Variants in SLC26A8 observed in about 807,000 individuals in gnomAD.
The protein encoded by SLC26A8 is testis anion transporter 1.
In SLC26A8, 70 loss-of-function variants were observed where a neutral mutation model predicts 105.0. The observed-to-expected ratio is 0.67, with a 90% CI of 0.55 to 0.81. The LOEUF (loss-of-function observed/expected upper bound fraction) is 0.81. Ranked by LOEUF, SLC26A8 falls within the 40% of genes least tolerant of loss-of-function variation. SLC26A8 has a pLI of 0.00. For synonymous variants in SLC26A8, 415 were observed against 438.3 expected (o/e 0.95, Z 0.66); for missense variants, 998 against 1,181.8 (o/e 0.84, Z 2.28).
rs1191488527 is a variant in SLC26A8, at chr6:35,944,162, G to A, written c.2651C>T (p.Pro884Leu). Residue 884 changes from proline to leucine, a missense_variant, in exon 20 of 20, where the codon CCT becomes CTT. Transcript: ENST00000490799. ...LDLDLDRELE[P>L]EMEPKAETET... is the part of the protein sequence containing the mutation. ...GGTCTCAGCCTTGGGCTCCATTTCA[G>A]GCTCCAGCTCCCGATCCAGGTCTAG... is the stretch of plus-strand genomic sequence containing the variant. The A allele has an allele frequency of 6.2e-7, 1 of 1,614,086 alleles. No homozygotes were observed. Among genetic ancestry groups the A allele is most frequent in the Admixed American group, 1.7e-5 (1 of 59,980 alleles).
At chr6:35,975,635 C>T (rs987544103) in intron 9 of SLC26A8, 147 bp from the exon 10 acceptor site, 152 of 574,912 alleles carry the variant, frequency 2.6e-4, no homozygotes, top group Middle Eastern at 1.8e-3. Flanking sequence ...ATTAGAAGGC[C>T]GGATGAGGTG....
intron 2 of SLC26A8, among the ~76,000 whole-genome samples, chr6:36,015,974 T>G (rs1761984966): frequency 6.6e-6 from 1 of 151,598 alleles, no homozygotes; most frequent in Admixed American, 6.6e-5. Flanking sequence ...TATAATGATG[T>G]AGGTCACAAA....
At position 35,944,327 on chromosome 6, in the gene SLC26A8, C is replaced by G. The variant is rs759354665; in HGVS notation, c.2486G>C (p.Arg829Thr). 1.9e-6 allele frequency: 3 copies of G among 1,609,974 alleles called. No individual in the cohort carries two copies. The highest frequency in any genetic ancestry group is 2.5e-6 in the Non-Finnish European group (3 of 1,177,068). Residue 829 changes from arginine to threonine, a missense_variant, in exon 20 of 20, where the codon AGA (arginine) becomes ACA (threonine). By Grantham distance (71) the Arg-to-Thr change is moderately conservative (BLOSUM62 -1). Coordinates refer to ENST00000490799, the MANE Select transcript of SLC26A8 (RefSeq NM_052961.4). ...TAGAAAACTGCTGCTCATTTTATAT[C>G]TTGAATTGTCATTCTGAAATACAAT... ...YSETDKNDNSRYKMSSSFLGS... is the reference protein window; with the variant it reads ...YSETDKNDNSTYKMSSSFLGS...
chr6:35,967,147 G>A (rs182291167), intron 11 of SLC26A8, among the ~76,000 whole-genome samples: 39 of 152,290 alleles, frequency 2.6e-4, no homozygotes, highest in Non-Finnish European at 3.2e-4. Context: ...CACCCTCCTT[G>A]CATAGATTCC....
Position 35,997,905 on chromosome 6 carries a change from C to A in SLC26A8, c.460G>T (p.Val154Leu). 6.2e-7 allele frequency: 1 copy of A among 1,613,766 alleles called. No individual in the cohort carries two copies. ...HQMSIGSFFLVSALLINVLKV... is the reference protein window; with the variant it reads ...HQMSIGSFFLLSALLINVLKV... Reference sequence around the variant, plus strand: ...AGAACGTTGATCAGCAGAGCACTCACCAGGAAGAAGGAACCTGTGGAAGAA... The same window carrying A: ...AGAACGTTGATCAGCAGAGCACTCAACAGGAAGAAGGAACCTGTGGAAGAA... Residue 154 changes from valine (V) to leucine (L), a missense_variant, in exon 5 of 20, where the codon GTG becomes TTG. By Grantham distance (32) the Val-to-Leu change is conservative. Transcript: ENST00000490799.
At chr6:35,947,316 C>G (rs1771710745) in intron 19 of SLC26A8, among the ~76,000 whole-genome samples, 1 of 152,130 alleles carries the variant, frequency 6.6e-6, no homozygotes, top group African/African-American at 2.4e-5. Flanking sequence ...CAGGCATGAG[C>G]CACCACACTT....
chr6:35,952,246 A>G (rs1463666594), intron 17 of SLC26A8, among the ~76,000 whole-genome samples: 3 of 152,150 alleles, frequency 2.0e-5, no homozygotes, highest in Non-Finnish European at 4.4e-5. Flanking sequence ...GAGTTTACTG[A>G]GCAGAGGAAG....
chr6:35,988,864 G>A (rs1326631499), intron 7 of SLC26A8, among the ~76,000 whole-genome samples: 4 of 140,916 alleles, frequency 2.8e-5, no homozygotes, highest in South Asian at 4.6e-4. Context: ...TTTTTGAGAC[G>A]GAATCTCGCT....
chr6:36,022,547 A>G (rs1000758136), intron 1 of SLC26A8, among the ~76,000 whole-genome samples: 2 of 152,140 alleles, frequency 1.3e-5, no homozygotes, highest in Non-Finnish European at 1.5e-5. Flanking sequence ...GACAGTGGAG[A>G]TAGGAGAGAC....
At chr6:35,989,178 T>G (rs1342113424) in intron 7 of SLC26A8, among the ~76,000 whole-genome samples, 1 of 152,148 alleles carries the variant, frequency 6.6e-6, no homozygotes, top group Non-Finnish European at 1.5e-5. Flanking sequence ...GCCAGGTAAC[T>G]GCCACCCTAA....
intron 2 of SLC26A8, 96 bp from the exon 3 acceptor site, chr6:36,012,468 T>A: frequency 7.3e-7 from 1 of 1,368,218 alleles, no homozygotes; most frequent in Non-Finnish European, 9.8e-7. Context: ...CAAGAAAAAG[T>A]AGAGTCTTGT....
chr6:35,990,270 G>C (rs976084890), intron 7 of SLC26A8: 2 of 263,048 alleles, frequency 7.6e-6, no homozygotes, highest in Non-Finnish European at 1.5e-5. Context: ...AACCTGTACT[G>C]TTGGATACAT....
At chr6:35,982,057 T>C in intron 8 of SLC26A8, 64 bp downstream of exon 8, 3 of 1,506,440 alleles carry the variant, frequency 2.0e-6, no homozygotes, top group Non-Finnish European at 2.8e-6. Context: ...TCAGGCTGTG[T>C]GGTCAGAGGC....
intron 5 of SLC26A8, among the ~76,000 whole-genome samples, chr6:35,994,207 C>T (rs1435746006): frequency 6.6e-6 from 1 of 150,564 alleles, no homozygotes; most frequent in African/African-American, 2.4e-5. Flanking sequence ...CTCCACCTCC[C>T]AGGTTCACGC....
Position 35,951,449 on chromosome 6 carries a change from A to G in SLC26A8, c.2283T>C (p.Cys761=), listed in dbSNP as rs764493457. The part of the protein sequence containing the change: ...NANILILIAG[C]HSSIVRAFER... ...CATAGGGTGAAGGATACTCACAGTG[A>G]CACCCTGCAATGAGTATCAAAATGT... The change falls in exon 18 of 20, where the codon TGT becomes TGC. Residue 761 remains cysteine, a synonymous_variant. Coordinates refer to ENST00000490799, the MANE Select transcript of SLC26A8 (RefSeq NM_052961.4). 2 of 1,614,160 alleles carry G rather than the reference A, an allele frequency of 1.2e-6. No homozygotes were observed. The highest frequency in any genetic ancestry group is 2.2e-5 in the South Asian group (2 of 91,076).
chr6:36,008,075 G>A (rs1012297836), intron 3 of SLC26A8, among the ~76,000 whole-genome samples: 1 of 143,100 alleles, frequency 7.0e-6, no homozygotes. Context: ...AGCCGAGATT[G>A]AGCCATTGCA....
chr6:35,949,948 G>A (rs1253763540), intron 19 of SLC26A8, among the ~76,000 whole-genome samples: 2 of 151,940 alleles, frequency 1.3e-5, no homozygotes, highest in African/African-American at 4.8e-5. Flanking sequence ...TGGGACTACA[G>A]GCGCGTGCCA....
chr6:35,971,421 C>A lies in SLC26A8; in HGVS notation c.1288-2467G>T, dbSNP rs183289165. Among the ~76,000 whole-genome samples, 300 of 152,312 alleles carry A rather than the reference C, an allele frequency of 2.0e-3. 3 individuals carry two copies. Among genetic ancestry groups the A allele is most frequent in the East Asian group, 1.9e-3 (10 of 5,184 alleles). On this transcript the variant is annotated intron_variant, in intron 10 of 19. Transcript: ENST00000490799. ...AAAGCCATGTGAGTTTCCATAGCCA[C>A]AGCCACAATCAACATGCAGACCCTC...
chr6:35,998,615 A>C (rs966734494), intron 4 of SLC26A8, among the ~76,000 whole-genome samples: 1 of 151,944 alleles, frequency 6.6e-6, no homozygotes, highest in Non-Finnish European at 1.5e-5. Context: ...AATAGGAAGA[A>C]AAATAATACT....
Sources: gnomAD v4.1 joint callset for allele counts (sites outside exome capture counted in the v4.1 genomes callset) on GRCh38, gnomAD v4.1.1 for gene constraint, MANE v1.5 for transcripts, NCBI Gene and HGNC (gene_info 2026-07-23, HGNC 2026-07-21) for gene names.